The following KCNIP1 variants were observed in gnomAD, a reference collection of about 807,000 sequenced individuals.
KCNIP1 encodes A-type potassium channel modulatory protein KCNIP1.
Under a neutral mutation model 33.0 loss-of-function variants are expected in KCNIP1, and 18 were observed. That is an observed-to-expected ratio of 0.55 (90% confidence interval 0.38 to 0.81). KCNIP1 has a LOEUF of 0.81. Ranked by LOEUF, KCNIP1 falls within the 30% of genes least tolerant of loss-of-function variation. KCNIP1 has a pLI of 0.00. For missense variants in KCNIP1, 238 were observed against 271.6 expected, an observed-to-expected ratio of 0.88 and a Z score of 0.87; for synonymous variants, 93 against 98.3, an observed-to-expected ratio of 0.95 and a Z score of 0.32.
intron 1 of KCNIP1, among the ~76,000 whole-genome samples, chr5:170,669,872 T>A (rs1235861323): frequency 6.6e-6 from 1 of 152,226 alleles, no homozygotes; most frequent in Non-Finnish European, 1.5e-5. Context: ...ATTACAACCA[T>A]ACTCCTTGTC....
At chr5:170,514,797 C>T (rs1399009481) in intron 1 of KCNIP1, among the ~76,000 whole-genome samples, 1 of 152,238 alleles carries the variant, frequency 6.6e-6, no homozygotes, top group Non-Finnish European at 1.5e-5. Context: ...TATCGGGCAC[C>T]TGCTGCATGC....
chr5:170,486,263 C>T (rs1561647348), intron 1 of KCNIP1: 1 of 152,206 alleles, frequency 6.6e-6, no homozygotes, highest in Non-Finnish European at 1.5e-5. Flanking sequence ...ACTCAGTGGA[C>T]ATCAGGCCCT....
intron 1 of KCNIP1, among the ~76,000 whole-genome samples, chr5:170,585,967 C>T (rs1757973393): frequency 6.6e-6 from 1 of 152,214 alleles, no homozygotes; most frequent in Non-Finnish European, 1.5e-5. Context: ...CCCTGAAGAG[C>T]GTAGTGGTTG....
At chr5:170,461,488 C>A (rs1756499796) in intron 1 of KCNIP1, among the ~76,000 whole-genome samples, 1 of 152,104 alleles carries the variant, frequency 6.6e-6, no homozygotes, top group South Asian at 2.1e-4. Flanking sequence ...CAGTGGCTCA[C>A]ACCTGTAATC....
At chr5:170,679,286 T>C (rs560590757) in intron 1 of KCNIP1, 1 of 152,316 alleles carries the variant, frequency 6.6e-6, no homozygotes, top group Non-Finnish European at 1.5e-5. Context: ...TTAGTTTTCA[T>C]GAGATGCAGT....
At chr5:170,643,349 T>A (rs556726943) in intron 1 of KCNIP1, among the ~76,000 whole-genome samples, 1 of 152,072 alleles carries the variant, frequency 6.6e-6, no homozygotes, top group Admixed American at 6.5e-5. Flanking sequence ...AATACATTTG[T>A]GTTTTGTTAA....
At chr5:170,389,107 C>G (rs1390011940) in intron 1 of KCNIP1, among the ~76,000 whole-genome samples, 1 of 152,158 alleles carries the variant, frequency 6.6e-6, no homozygotes, top group African/African-American at 2.4e-5. Flanking sequence ...CACCAGACCA[C>G]GGGCCCTCCA....
chr5:170,487,962 C>T (rs909812004), intron 1 of KCNIP1, among the ~76,000 whole-genome samples: 5 of 152,200 alleles, frequency 3.3e-5, no homozygotes, highest in Non-Finnish European at 4.4e-5. Context: ...TAAATTTCCA[C>T]TCATTCCTCA....
upstream of KCNIP1, among the ~76,000 whole-genome samples, chr5:170,502,183 C>A (rs1214279809): frequency 6.6e-6 from 1 of 152,244 alleles, no homozygotes; most frequent in Non-Finnish European, 1.5e-5. Context: ...GCTTAATTCA[C>A]AGGGGTTTGG....
chr5:170,372,165 G>T (rs1276419526), intron 1 of KCNIP1, among the ~76,000 whole-genome samples: 4 of 152,134 alleles, frequency 2.6e-5, no homozygotes, highest in Non-Finnish European at 5.9e-5. Context: ...TTACTAGAGT[G>T]ATCCACAGAA....
upstream of KCNIP1, among the ~76,000 whole-genome samples, chr5:170,500,176 C>T (rs565801974): frequency 6.6e-6 from 1 of 152,168 alleles, no homozygotes; most frequent in Non-Finnish European, 1.5e-5. Flanking sequence ...TTTGGAGTCT[C>T]TCCTTGTAAG....
chr5:170,638,504 C>A (rs1049375635), intron 1 of KCNIP1, among the ~76,000 whole-genome samples: 1 of 152,162 alleles, frequency 6.6e-6, no homozygotes, highest in African/African-American at 2.4e-5. Flanking sequence ...AGGTCTTGAC[C>A]GCAATGGAAT....
At chr5:170,508,481 G>A (rs916754264) in intron 1 of KCNIP1, among the ~76,000 whole-genome samples, 1 of 152,218 alleles carries the variant, frequency 6.6e-6, no homozygotes, top group African/African-American at 2.4e-5. Flanking sequence ...TCAACCTAAA[G>A]ATATGGGAGA....
chr5:170,569,878 A>T (rs139510412), intron 1 of KCNIP1, among the ~76,000 whole-genome samples: 1 of 152,310 alleles, frequency 6.6e-6, no homozygotes, highest in East Asian at 1.9e-4. Flanking sequence ...GAGTCATCAA[A>T]ATTGGGTTAA....
chr5:170,522,124 T>C (rs572916617), intron 1 of KCNIP1, among the ~76,000 whole-genome samples: 2 of 152,332 alleles, frequency 1.3e-5, no homozygotes, highest in East Asian at 3.9e-4. Context: ...CCAAGGAGTC[T>C]GAGCCCAGGT....
At chr5:170,390,002 A>G (rs993985560) in intron 1 of KCNIP1, among the ~76,000 whole-genome samples, 1 of 152,176 alleles carries the variant, frequency 6.6e-6, no homozygotes. Flanking sequence ...TTTAAGGACC[A>G]ACTGAGCTGA....
At chr5:170,526,866 G>T (rs532256141) in intron 1 of KCNIP1, among the ~76,000 whole-genome samples, 1 of 152,022 alleles carries the variant, frequency 6.6e-6, no homozygotes, top group East Asian at 1.9e-4. Context: ...GGGATTACAG[G>T]TGCCTGCCAC....
chr5:170,550,403 A>G (rs775300314), intron 1 of KCNIP1, among the ~76,000 whole-genome samples: 1 of 152,214 alleles, frequency 6.6e-6, no homozygotes, highest in Non-Finnish European at 1.5e-5. Context: ...TTCATAATCC[A>G]GTGAATGTTA....
intron 1 of KCNIP1, among the ~76,000 whole-genome samples, chr5:170,463,659 TG>T (rs1248271204): frequency 6.6e-6 from 1 of 151,240 alleles, no homozygotes; most frequent in Non-Finnish European, 1.5e-5. Context: ...AGAAATAGAG[TG>T]GAACTTTCTC....
Sources: allele counts gnomAD v4.1 joint callset (sites outside exome capture counted in the v4.1 genomes callset), GRCh38; gene constraint gnomAD v4.1.1; transcripts MANE v1.5; gene names NCBI Gene and HGNC (gene_info 2026-07-23, HGNC 2026-07-21).